Variants in CABIN1 observed in about 807,000 individuals in gnomAD.
CABIN1 encodes calcineurin binding protein 1, also known as calcineurin-binding protein cabin-1.
Under a neutral mutation model 227.7 loss-of-function variants are expected in CABIN1, and 133 were observed. The ratio of observed to expected loss-of-function variants is 0.58; its 90% CI spans 0.51 to 0.67. CABIN1 has a LOEUF of 0.67. Among genes scored for constraint, CABIN1 ranks in the 30% least tolerant of loss-of-function variants. The probability of loss-of-function intolerance (pLI) is 0.00; values close to 1 mark genes in which losing one functional copy is unlikely to be tolerated. For missense variants in CABIN1, 2,408 were observed against 2,852.5 expected, an observed-to-expected ratio of 0.84 and a Z score of 3.55; for synonymous variants, 1,086 against 1,155.1, an observed-to-expected ratio of 0.94 and a Z score of 1.21.
Position 24,038,459 on chromosome 22 carries a change from G to T in CABIN1, c.208G>T (p.Glu70Ter). 1 of 1,610,524 alleles carries T rather than the reference G, an allele frequency of 6.2e-7. No individual in the cohort carries two copies. The highest frequency in any genetic ancestry group is 8.5e-7 in the Non-Finnish European group (1 of 1,177,420). Residue 70 changes from glutamate (E) to a stop codon, truncating the protein, a stop_gained and splice_region_variant, in exon 4 of 37, where the codon GAG becomes TAG. Transcript: ENST00000263119. LOFTEE classifies it high-confidence loss of function. ...GCTCTTGGAGGCGAGCCTGCTGCGGGAGGTGAGGCATCAGCAGGCCAGGCA... is the reference window on the plus strand; with the variant it reads ...GCTCTTGGAGGCGAGCCTGCTGCGGTAGGTGAGGCATCAGCAGGCCAGGCA... The part of the protein sequence containing the change: ...HELLEASLLR[E>*]AVSSGDEKEG...
chr22:24,137,169 T>A (rs1034091664), intron 29 of CABIN1, among the ~76,000 whole-genome samples: 1 of 152,174 alleles, frequency 6.6e-6, no homozygotes, highest in Non-Finnish European at 1.5e-5. Context: ...CCTCTCTCCT[T>A]TTGGTGCTTT....
Position 24,043,021 on chromosome 22 carries a change from C to G in CABIN1, c.463C>G (p.Pro155Ala), listed in dbSNP as rs942633631. The G allele has an allele frequency of 4.3e-6, 7 of 1,613,920 alleles. No homozygotes were observed. The highest frequency in any genetic ancestry group is 1.7e-5 in the Admixed American group (1 of 59,970). Residue 155 changes from proline to alanine, a missense_variant, in exon 6 of 37, where the codon CCT (proline) becomes GCT (alanine). Transcript: ENST00000263119. ...HAFEEGLRCNPDHWPCLDNLI... is the reference protein window; with the variant it reads ...HAFEEGLRCNADHWPCLDNLI... ...TTTTGAGGAAGGGCTGCGGTGCAAT[C>G]CTGACCACTGGCCCTGTTTGGATAA... is the stretch of plus-strand genomic sequence containing the variant.
At chr22:24,036,508 C>T (rs1247063883) in intron 3 of CABIN1, among the ~76,000 whole-genome samples, 1 of 152,022 alleles carries the variant, frequency 6.6e-6, no homozygotes, top group East Asian at 1.9e-4. Flanking sequence ...TTCGAGGTTC[C>T]CTAGTGTATT....
At chr22:24,072,577 C>T (rs1025486554) in intron 18 of CABIN1, 67 bp downstream of exon 18, 3 of 1,589,928 alleles carry the variant, frequency 1.9e-6, no homozygotes, top group Non-Finnish European at 2.6e-6. Context: ...GTCCTCTGCC[C>T]TAGGGTCCTG....
intron 5 of CABIN1, 100 bp downstream of exon 5, chr22:24,041,373 G>C: frequency 6.9e-7 from 1 of 1,452,832 alleles, no homozygotes; most frequent in Non-Finnish European, 9.6e-7. Flanking sequence ...AGTTTGTAGT[G>C]GTGGATCACC....
intron 18 of CABIN1, among the ~76,000 whole-genome samples, chr22:24,074,678 T>C (rs989238564): frequency 1.3e-5 from 2 of 152,094 alleles, no homozygotes; most frequent in Non-Finnish European, 2.9e-5. Flanking sequence ...ATAACAGTTA[T>C]CACATACTGA....
At chr22:24,085,692 G>GAACC (rs2041110610) in intron 22 of CABIN1, among the ~76,000 whole-genome samples, 1 of 152,210 alleles carries the variant, frequency 6.6e-6, no homozygotes, top group Admixed American at 6.5e-5. Context: ...TCTTCCTGTG[G>GAACC]AACCCTGTTT....
intron 10 of CABIN1, among the ~76,000 whole-genome samples, chr22:24,057,235 C>T (rs1013384714): frequency 2.1e-5 from 3 of 145,822 alleles, no homozygotes; most frequent in Non-Finnish European, 4.6e-5. Context: ...GGCGCCCGGC[C>T]AGTCCTTCTG....
intron 31 of CABIN1, among the ~76,000 whole-genome samples, chr22:24,166,416 G>A (rs1278401106): frequency 6.6e-6 from 1 of 152,186 alleles, no homozygotes; most frequent in Non-Finnish European, 1.5e-5. Flanking sequence ...GAGTGTGGTG[G>A]GGTAGCCAGA....
chr22:24,087,817 C>T, intron 23 of CABIN1, 104 bp downstream of exon 23: 1 of 1,438,316 alleles, frequency 7.0e-7, no homozygotes, highest in Non-Finnish European at 9.6e-7. Context: ...CTTGTCCACA[C>T]ATCCATGCTG....
chr22:24,029,384 C>CA (rs1023589233), intron 1 of CABIN1, among the ~76,000 whole-genome samples: 13 of 151,922 alleles, frequency 8.6e-5, no homozygotes, highest in African/African-American at 1.5e-4. Context: ...CCCGTCTCTA[C>CA]AAAAAAACAA....
At chr22:24,034,313 T>G (rs1041358252) in intron 1 of CABIN1, among the ~76,000 whole-genome samples, 7 of 152,224 alleles carry the variant, frequency 4.6e-5, no homozygotes, top group African/African-American at 1.4e-4. Flanking sequence ...CTCTATAGAT[T>G]TGCATATTCT....
chr22:24,066,358 G>T (rs939047182), intron 15 of CABIN1, among the ~76,000 whole-genome samples: 2 of 152,230 alleles, frequency 1.3e-5, no homozygotes, highest in African/African-American at 4.8e-5. Context: ...ATCAGCTGGA[G>T]CAGACCAGTA....
rs533424867 is a variant in CABIN1 at position 24,035,014 on chromosome 22, T to C, written c.-74-430T>C. On this transcript the variant is annotated intron_variant, in intron 1 of 36. Coordinates refer to ENST00000263119, the MANE Select transcript of CABIN1 (RefSeq NM_012295.4). Reference sequence around the variant, plus strand: ...CACCTCGCTCTCCCTGCCTCTTTGCTTCACTGTCTTCCACTGCAGTGTATT... The same window carrying C: ...CACCTCGCTCTCCCTGCCTCTTTGCCTCACTGTCTTCCACTGCAGTGTATT... 2.0e-5 allele frequency among the ~76,000 whole-genome samples: 3 copies of C among 152,338 alleles called. No individual in the cohort carries two copies. In the East Asian group the frequency reaches 5.8e-4, roughly 29 times the overall value.
At chr22:24,158,277 G>T (rs2045955245) in intron 29 of CABIN1, among the ~76,000 whole-genome samples, 1 of 152,226 alleles carries the variant, frequency 6.6e-6, no homozygotes. Flanking sequence ...CAGGCACCCA[G>T]GACCTGCTTC....
At chr22:24,136,741 A>G (rs1454385205) in intron 29 of CABIN1, among the ~76,000 whole-genome samples, 65 of 115,226 alleles carry the variant, frequency 5.6e-4, no homozygotes, top group Admixed American at 1.6e-3. Context: ...ACACACACGC[A>G]CACACACACA....
At chr22:24,174,249 C>A (rs546490066) in intron 34 of CABIN1, among the ~76,000 whole-genome samples, 302 of 152,174 alleles carry the variant, frequency 2.0e-3, no homozygotes, top group Non-Finnish European at 3.7e-3. Flanking sequence ...CTACCTCAGC[C>A]TCCCAAGTAG....
At chr22:24,050,745 AATGC>A in intron 7 of CABIN1, 76 bp from the exon 8 acceptor site, 1 of 1,545,368 alleles carries the variant, frequency 6.5e-7, no homozygotes, top group Non-Finnish European at 8.9e-7. Context: ...TATTAACCTA[AATGC>A]ATTTTTGTGT....
At chr22:24,111,024 G>A (rs1041156657) in intron 26 of CABIN1, among the ~76,000 whole-genome samples, 16 of 152,000 alleles carry the variant, frequency 1.1e-4, no homozygotes, top group African/African-American at 3.9e-4. Flanking sequence ...ATCTCCTTTT[G>A]TGACTCCGAT....
Sources: gnomAD v4.1 joint callset for allele counts (sites outside exome capture counted in the v4.1 genomes callset) on GRCh38, gnomAD v4.1.1 for gene constraint, MANE v1.5 for transcripts, NCBI Gene and HGNC (gene_info 2026-07-23, HGNC 2026-07-21) for gene names.